The following HNRNPLL variants were observed in gnomAD, a reference collection of about 807,000 sequenced individuals.
HNRNPLL encodes heterogeneous nuclear ribonucleoprotein L like, also known as heterogeneous nuclear ribonucleoprotein L-like.
A neutral mutation model predicts 67.1 loss-of-function variants in HNRNPLL; 25 were observed. That is an observed-to-expected ratio of 0.37 (90% CI 0.27 to 0.52). HNRNPLL has a LOEUF of 0.52. Among genes scored for constraint, HNRNPLL ranks in the 20% least tolerant of loss-of-function variants. The pLI is 0.90. For synonymous variants in HNRNPLL, 267 were observed against 241.7 expected, an observed-to-expected ratio of 1.10 and a Z score of -0.97; for missense variants, 542 against 673.9, an observed-to-expected ratio of 0.80 and a Z score of 2.17.
chr2:38,596,527 G>C (rs535257991), intron 1 of HNRNPLL, among the ~76,000 whole-genome samples: 18 of 152,146 alleles, frequency 1.2e-4, no homozygotes, highest in African/African-American at 4.3e-4. Flanking sequence ...CGAAGTGTTG[G>C]GATTACAGCT....
chr2:38,569,580 T>C lies in HNRNPLL; in HGVS notation c.1214+224A>G, dbSNP rs1295772262. On this transcript the variant is annotated intron_variant, in intron 9 of 12. Transcript: ENST00000449105. Reference sequence around the variant, plus strand: ...AAACTTTAACATAAAAACGTGCCCATTTTAACACGTTTTATCATCATAAAA... The same window carrying C: ...AAACTTTAACATAAAAACGTGCCCACTTTAACACGTTTTATCATCATAAAA... Among the ~76,000 whole-genome samples, 4 of 152,266 alleles carry C rather than the reference T, an allele frequency of 2.6e-5. No homozygotes were observed. The East Asian group carries it at 7.7e-4, about 29-fold the overall frequency.
At chr2:38,585,560 G>A in intron 3 of HNRNPLL, 84 bp downstream of exon 3, 1 of 778,386 alleles carries the variant, frequency 1.3e-6, no homozygotes, top group South Asian at 1.6e-5. Context: ...TATCTAGATG[G>A]CAATGAAAAA....
At chr2:38,598,760 C>T (rs996292357) in intron 1 of HNRNPLL, among the ~76,000 whole-genome samples, 9 of 152,088 alleles carry the variant, frequency 5.9e-5, no homozygotes, top group Non-Finnish European at 5.9e-5. Context: ...CTCTTTTCAC[C>T]GTAACATACT....
rs1665753538 is a variant in HNRNPLL at position 38,564,072 on chromosome 2, TAAAG to T, written c.*106_*109del. 2 of 742,954 alleles carry T rather than the reference TAAAG, an allele frequency of 2.7e-6. No individual in the cohort carries two copies. Among genetic ancestry groups the T allele is most frequent in the Admixed American group, 4.4e-5 (2 of 45,798 alleles). 46.0% of individuals were successfully genotyped at this position (742,954 alleles called of 1,614,324 possible). A position where few individuals can be genotyped will look rare whatever the true frequency, so the allele number is the denominator to read the frequency against. Reference sequence around the variant, plus strand: ...ATATGTTTATTACAGAACAGGATCTTAAAGTAAGCAAGGCAACATGAGATCAACC... The same window carrying T: ...ATATGTTTATTACAGAACAGGATCTTTAAGCAAGGCAACATGAGATCAACC... On this transcript the variant is annotated 3_prime_UTR_variant, in exon 13 of 13. Coordinates refer to ENST00000449105, the MANE Select transcript of HNRNPLL (RefSeq NM_138394.4).
chr2:38,584,236 G>A (rs185743983), intron 3 of HNRNPLL, among the ~76,000 whole-genome samples: 394 of 152,028 alleles, frequency 2.6e-3, no homozygotes, highest in Non-Finnish European at 4.4e-3. Flanking sequence ...TAATTTTTTC[G>A]TTTTTTGTAG....
intron 8 of HNRNPLL, among the ~76,000 whole-genome samples, chr2:38,571,143 T>C (rs906030483): frequency 7.2e-5 from 11 of 152,218 alleles, no homozygotes; most frequent in Non-Finnish European, 1.6e-4. Context: ...ATATACTATA[T>C]ATAAGCATAG....
At chr2:38,575,561 A>G (rs1181538051) in intron 7 of HNRNPLL, among the ~76,000 whole-genome samples, 4 of 151,868 alleles carry the variant, frequency 2.6e-5, no homozygotes, top group African/African-American at 9.7e-5. Context: ...CCAAATTAAA[A>G]GAGGTAAAGA....
intron 1 of HNRNPLL, among the ~76,000 whole-genome samples, chr2:38,596,784 C>G (rs1667210291): frequency 6.6e-6 from 1 of 152,140 alleles, no homozygotes. Flanking sequence ...CTCTCTCTTT[C>G]TGTATCTATT....
At chr2:38,601,116 C>G (rs1460041446) in intron 1 of HNRNPLL, among the ~76,000 whole-genome samples, 2 of 150,154 alleles carry the variant, frequency 1.3e-5, no homozygotes, top group East Asian at 4.0e-4. Context: ...AAGAAAAAAC[C>G]ATTTCCTTTA....
chr2:38,580,480 T>C (rs1573736869), intron 6 of HNRNPLL, among the ~76,000 whole-genome samples: 1 of 152,248 alleles, frequency 6.6e-6, no homozygotes, highest in Non-Finnish European at 1.5e-5. Context: ...ACATTGTCTT[T>C]TTCTTTTTGC....
intron 1 of HNRNPLL, among the ~76,000 whole-genome samples, chr2:38,592,115 AATGT>A (rs1184164383): frequency 1.3e-5 from 2 of 152,242 alleles, no homozygotes; most frequent in Non-Finnish European, 2.9e-5. Flanking sequence ...GAATAAAATA[AATGT>A]TTGTTTTAAA....
At chr2:38,597,849 G>A (rs779165688) in intron 1 of HNRNPLL, among the ~76,000 whole-genome samples, 3 of 151,934 alleles carry the variant, frequency 2.0e-5, no homozygotes, top group African/African-American at 4.8e-5. Context: ...CACCACACCC[G>A]GCTAATTTTT....
intron 1 of HNRNPLL, among the ~76,000 whole-genome samples, chr2:38,600,531 T>C (rs1056738715): frequency 3.9e-5 from 6 of 151,926 alleles, no homozygotes; most frequent in African/African-American, 1.5e-4. Context: ...GTTAAGAGAC[T>C]AGCTTTGGCA....
At position 38,562,721 on chromosome 2, in the gene HNRNPLL, T is replaced by A. The variant is rs1665713774; in HGVS notation, c.*1461A>T. 6.6e-6 allele frequency: 1 copy of A among 152,082 alleles called. No homozygotes were observed. Among genetic ancestry groups the A allele is most frequent in the Admixed American group, 6.6e-5 (1 of 15,262 alleles). 9.4% of individuals were successfully genotyped at this position (152,082 alleles called of 1,614,324 possible). A position where few individuals can be genotyped will look rare whatever the true frequency, so the allele number is the denominator to read the frequency against. ...GGGTCTAAAATACTTCTAGATTAAATTTAATTTTTTCTTTATCTTTAGAGG... is the reference window on the plus strand; with the variant it reads ...GGGTCTAAAATACTTCTAGATTAAAATTAATTTTTTCTTTATCTTTAGAGG... On this transcript the variant is annotated 3_prime_UTR_variant, in exon 13 of 13. Transcript: ENST00000449105.
chr2:38,590,659 AG>A (rs1393072740), intron 2 of HNRNPLL, among the ~76,000 whole-genome samples: 1 of 152,124 alleles, frequency 6.6e-6, no homozygotes, highest in African/African-American at 2.4e-5. Context: ...GGGAAGAGAC[AG>A]GGGGAGCCTG....
Position 38,583,903 on chromosome 2 carries a change from G to T in HNRNPLL, c.570C>A (p.Asn190Lys). ...CAATACGTTGCACTTTGCCAACAGG[G>T]TTGCATACAGTATATAAAACATCCT... Reference protein sequence around the residue: ...ITVDVLYTVCNPVGKVQRIVI... With the variant: ...ITVDVLYTVCKPVGKVQRIVI... The change falls in exon 4 of 13, where the codon AAC (asparagine) becomes AAA (lysine). Residue 190 changes from asparagine (N) to lysine (K), a missense_variant. Physicochemically the swap from Asn to Lys is moderately conservative, Grantham distance 94. Transcript: ENST00000449105. The T allele has an allele frequency of 6.5e-7, 1 of 1,541,774 alleles. No homozygotes were observed. Among genetic ancestry groups the T allele is most frequent in the East Asian group, 2.3e-5 (1 of 43,714 alleles).
intron 6 of HNRNPLL, among the ~76,000 whole-genome samples, chr2:38,580,234 C>G (rs2148356388): frequency 6.6e-6 from 1 of 152,258 alleles, no homozygotes; most frequent in Middle Eastern, 3.4e-3. Context: ...AACCACTTGT[C>G]CGGTTGTTTC....
At chr2:38,574,892 C>T (rs779260212) in intron 7 of HNRNPLL, among the ~76,000 whole-genome samples, 2 of 151,800 alleles carry the variant, frequency 1.3e-5, no homozygotes, top group Non-Finnish European at 3.0e-5. Flanking sequence ...CATACACACA[C>T]CAAGATTCAA....
chr2:38,568,074 T>C (rs1316360230), intron 12 of HNRNPLL, 125 bp downstream of exon 12: 9 of 625,538 alleles, frequency 1.4e-5, no homozygotes, highest in African/African-American at 9.3e-5. Flanking sequence ...AATATGCCTT[T>C]CTTTTTTGTA....
Sources: allele counts gnomAD v4.1 joint callset (sites outside exome capture counted in the v4.1 genomes callset), GRCh38; gene constraint gnomAD v4.1.1; transcripts MANE v1.5; gene names NCBI Gene and HGNC (gene_info 2026-07-23, HGNC 2026-07-21).